KHDC1: variants seen among roughly 807,000 people sequenced by gnomAD.
KHDC1 encodes KH domain containing 1.
KHDC1 carries 21 observed loss-of-function variants against 24.7 expected under a neutral mutation model. That is an observed-to-expected ratio of 0.85 (90% CI 0.60 to 1.23). The LOEUF (loss-of-function observed/expected upper bound fraction) is 1.23, where lower values mean the gene tolerates loss of function less well. Among genes scored for constraint, KHDC1 ranks in the 50% most tolerant of loss-of-function variants. The pLI is 0.00. For missense variants in KHDC1, 274 were observed against 298.5 expected, an observed-to-expected ratio of 0.92 and a Z score of 0.61; for synonymous variants, 98 against 111.7, an observed-to-expected ratio of 0.88 and a Z score of 0.77.
chr6:73,292,807 T>G lies in KHDC1; in HGVS notation c.164-767A>C. 5.6e-6 allele frequency: 4 copies of G among 708,852 alleles called. 1 individual carries two copies. The highest frequency in any genetic ancestry group is 5.6e-5 in the South Asian group (4 of 71,838). The allele number at this position is 708,852 out of a possible 1,614,324, so 43.9% of individuals were successfully genotyped here. On this transcript the variant is annotated intron_variant, in intron 1 of 4. Coordinates refer to ENST00000370384, the Ensembl canonical transcript of KHDC1. ...TTACTCAACAGGAGTCTTACACATA[T>G]AAAGACCCAATTACAGAATTTGTTG... is the stretch of plus-strand genomic sequence containing the variant.
intron 2 of KHDC1, among the ~76,000 whole-genome samples, chr6:73,244,308 A>T (rs1208256864): frequency 6.6e-6 from 1 of 152,142 alleles, no homozygotes; most frequent in Admixed American, 6.5e-5. Flanking sequence ...GAGCAGGAAA[A>T]TTAATTCTTC....
chr6:73,309,871 C>A (rs1039357700), exon 1 of KHDC1: 7 of 803,910 alleles, frequency 8.7e-6, no homozygotes, highest in Non-Finnish European at 9.7e-6. Flanking sequence ...TCGGGGTCAA[C>A]CCAGACTGGA....
intron 3 of KHDC1, 50 bp downstream of exon 2, chr6:73,242,356 A>G: frequency 1.2e-6 from 2 of 1,613,192 alleles, no homozygotes; most frequent in Non-Finnish European, 1.7e-6. Flanking sequence ...GGAAGAGTGA[A>G]AACTGAGAAG....
intron 1 of KHDC1, among the ~76,000 whole-genome samples, chr6:73,307,795 C>T (rs1265023362): frequency 6.6e-6 from 1 of 152,160 alleles, no homozygotes; most frequent in African/African-American, 2.4e-5. Flanking sequence ...TTTTCAACAG[C>T]ATGCATCCAC....
intron 1 of KHDC1, among the ~76,000 whole-genome samples, chr6:73,294,557 C>T (rs189950672): frequency 6.6e-6 from 1 of 152,254 alleles, no homozygotes; most frequent in African/African-American, 2.4e-5. Context: ...TTAATCATAA[C>T]TCTTAATATT....
chr6:73,250,569 G>A (rs1247903784), intron 2 of KHDC1, among the ~76,000 whole-genome samples: 1 of 152,246 alleles, frequency 6.6e-6, no homozygotes, highest in Non-Finnish European at 1.5e-5. Context: ...TGGAATGCCT[G>A]CTATTGGCAA....
chr6:73,247,482 C>G (rs1766688665), intron 2 of KHDC1, among the ~76,000 whole-genome samples: 1 of 152,218 alleles, frequency 6.6e-6, no homozygotes, highest in Admixed American at 6.5e-5. Flanking sequence ...TTACCCCAAC[C>G]TGAGGCTGCT....
Position 73,242,586 on chromosome 6 carries a change from T to C in KHDC1, c.207-56A>G, listed in dbSNP as rs1766595008. On this transcript the variant is annotated intron_variant, in intron 2 of 4. Coordinates refer to ENST00000370384, the Ensembl canonical transcript of KHDC1. ...CTGGTTGGCAAAAGACTTGGAAAAG[T>C]GAGGGAGGGCCTAGGCTCTGTCCTT... is the stretch of plus-strand genomic sequence containing the variant. 3.1e-6 allele frequency: 5 copies of C among 1,611,166 alleles called. 1 individual carries two copies. In the Middle Eastern group the frequency reaches 5.0e-4, roughly 160 times the overall value.
chr6:73,250,513 GGAGGCAAACCAAGAAACTGAATTT>G (rs1766759877), intron 2 of KHDC1, among the ~76,000 whole-genome samples: 4 of 152,238 alleles, frequency 2.6e-5, no homozygotes, highest in Admixed American at 6.5e-5. Flanking sequence ...AGGTGGAAAG[GGAGGCAAACCAAGAAACTGAATTT>G]GAGCCCTTGG....
intron 1 of KHDC1, among the ~76,000 whole-genome samples, chr6:73,298,367 T>A (rs1767799168): frequency 6.6e-6 from 1 of 151,434 alleles, no homozygotes; most frequent in Non-Finnish European, 1.5e-5. Context: ...TTCCCATTAC[T>A]AGGCTATTCC....
chr6:73,250,988 C>A (rs1289937127), intron 2 of KHDC1, among the ~76,000 whole-genome samples: 3 of 151,982 alleles, frequency 2.0e-5, no homozygotes, highest in Non-Finnish European at 4.4e-5. Flanking sequence ...TACAGGTATG[C>A]TAATTTTTGT....
intron 2 of KHDC1, among the ~76,000 whole-genome samples, chr6:73,260,947 A>G (rs1766968910): frequency 6.6e-6 from 1 of 152,078 alleles, no homozygotes; most frequent in Non-Finnish European, 1.5e-5. Context: ...TCTATTCCAG[A>G]TGTTAATTCT....
At chr6:73,305,598 T>C (rs548734650) in intron 1 of KHDC1, among the ~76,000 whole-genome samples, 60 of 152,344 alleles carry the variant, frequency 3.9e-4, no homozygotes, top group African/African-American at 1.4e-3. Context: ...ATTTTTAAGA[T>C]ATTCTAGCTA....
intron 2 of KHDC1, among the ~76,000 whole-genome samples, chr6:73,271,443 G>A (rs982933444): frequency 3.3e-5 from 5 of 149,302 alleles, no homozygotes; most frequent in Admixed American, 2.0e-4. Context: ...TCCTGACCTC[G>A]TGATCCACCT....
intron 2 of KHDC1, chr6:73,290,533 A>C (rs1161887626): frequency 4.6e-6 from 2 of 437,240 alleles, no homozygotes; most frequent in Admixed American, 5.6e-5. Flanking sequence ...TTCTAACAAG[A>C]TCCAAAGTCC....
intron 2 of KHDC1, among the ~76,000 whole-genome samples, chr6:73,273,404 G>A (rs1459175539): frequency 6.6e-6 from 1 of 152,048 alleles, no homozygotes. Flanking sequence ...CTGACCTGAA[G>A]TGATCCCCCC....
chr6:73,276,459 C>A (rs1305013317), intron 2 of KHDC1: 1 of 151,708 alleles, frequency 6.6e-6, no homozygotes, highest in Non-Finnish European at 1.5e-5. Flanking sequence ...TTCACTCCAA[C>A]CTGGGCGAAA....
chr6:73,248,381 T>TCTCCTCTATCTGTCTCTCTCTCC (rs1223533822), intron 2 of KHDC1, among the ~76,000 whole-genome samples: 3 of 151,756 alleles, frequency 2.0e-5, no homozygotes, highest in Admixed American at 6.6e-5. Flanking sequence ...TCTCTCTCTC[T>TCTCCTCTATCTGTCTCTCTCTCC]CTCCTCTATC....
chr6:73,304,544 C>T (rs1021253245), intron 1 of KHDC1, among the ~76,000 whole-genome samples: 6 of 152,146 alleles, frequency 3.9e-5, no homozygotes, highest in African/African-American at 1.4e-4. Context: ...CCAGAGATCT[C>T]TCCCACCTTG....
Sources: gnomAD v4.1 joint callset for allele counts (sites outside exome capture counted in the v4.1 genomes callset) on GRCh38, gnomAD v4.1.1 for gene constraint, MANE v1.5 for transcripts, NCBI Gene and HGNC (gene_info 2026-07-23, HGNC 2026-07-21) for gene names.